Variants in PTPRO observed in about 807,000 individuals in gnomAD.
The protein encoded by PTPRO is receptor-type tyrosine-protein phosphatase O.
A neutral mutation model predicts 145.2 loss-of-function variants in PTPRO; 62 were observed. The observed-to-expected ratio is 0.43, with a 90% CI of 0.35 to 0.53. The LOEUF is 0.53. Among genes scored for constraint, PTPRO ranks in the 20% least tolerant of loss-of-function variants. The pLI, the probability that PTPRO is intolerant of heterozygous loss-of-function variation, is 0.01. For missense variants in PTPRO, 1,345 were observed against 1,482.7 expected, an observed-to-expected ratio of 0.91 and a Z score of 1.53; for synonymous variants, 565 against 514.7, an observed-to-expected ratio of 1.10 and a Z score of -1.32.
intron 12 of PTPRO, among the ~76,000 whole-genome samples, chr12:15,531,648 G>C (rs1243724961): frequency 6.6e-6 from 1 of 152,150 alleles, no homozygotes; most frequent in Non-Finnish European, 1.5e-5. Context: ...AGACAATGGA[G>C]GATGGATTGA....
intron 1 of PTPRO, among the ~76,000 whole-genome samples, chr12:15,350,683 C>T (rs1197565195): frequency 3.9e-5 from 6 of 152,300 alleles, no homozygotes; most frequent in African/African-American, 1.4e-4. Flanking sequence ...GGTTACTTTA[C>T]TAGAAAGGGA....
intron 1 of PTPRO, among the ~76,000 whole-genome samples, chr12:15,429,172 C>T (rs1469951125): frequency 6.6e-6 from 1 of 152,106 alleles, no homozygotes; most frequent in Non-Finnish European, 1.5e-5. Context: ...CAAAGACATC[C>T]GTGAGTGCTT....
intron 25 of PTPRO, among the ~76,000 whole-genome samples, chr12:15,590,462 C>T (rs1288797778): frequency 1.3e-5 from 2 of 152,144 alleles, no homozygotes; most frequent in Non-Finnish European, 2.9e-5. Context: ...CAACCTGGCC[C>T]GACCTGTAAT....
At chr12:15,584,411 TCAGAGCACAAAATAGGGTCTGTTC>T (rs1037016219) in intron 23 of PTPRO, among the ~76,000 whole-genome samples, 2 of 152,232 alleles carry the variant, frequency 1.3e-5, no homozygotes, top group African/African-American at 4.8e-5. Flanking sequence ...AGAAAAAATT[TCAGAGCACAAAATAGGGTCTGTTC>T]CATTGCCTAT....
chr12:15,503,657 C>T (rs995109964), intron 5 of PTPRO, among the ~76,000 whole-genome samples: 1 of 152,064 alleles, frequency 6.6e-6, no homozygotes, highest in African/African-American at 2.4e-5. Context: ...TAAAGATACA[C>T]AGTGTAGACC....
chr12:15,392,045 G>A (rs79544689), intron 1 of PTPRO, among the ~76,000 whole-genome samples: 3,247 of 152,160 alleles, frequency 0.021, 125 homozygotes, highest in African/African-American at 0.074. Context: ...CAATTATTCT[G>A]GTTCTAAATG....
chr12:15,579,455 C>T lies in PTPRO; in HGVS notation c.2920+512C>T, dbSNP rs146098690. Among the ~76,000 whole-genome samples, 318 of 152,312 alleles carry T rather than the reference C, an allele frequency of 2.1e-3. 4 individuals are homozygous for T. The highest frequency in any genetic ancestry group is 7.1e-3 in the African/African-American group (297 of 41,560). ...AGATTTCACTTTTCTCTCTGCTACACGCTGTGGAGCTAGGCATGAATGGAA... is the reference window on the plus strand; with the variant it reads ...AGATTTCACTTTTCTCTCTGCTACATGCTGTGGAGCTAGGCATGAATGGAA... On this transcript the variant is annotated intron_variant, in intron 20 of 26. Coordinates refer to ENST00000281171, the MANE Select transcript of PTPRO (RefSeq NM_030667.3).
At chr12:15,559,901 T>A (rs373122559) in intron 16 of PTPRO, among the ~76,000 whole-genome samples, 2 of 152,152 alleles carry the variant, frequency 1.3e-5, no homozygotes, top group African/African-American at 4.8e-5. Flanking sequence ...TTCATTTAAC[T>A]GAATGCAAAA....
chr12:15,407,896 A>G (rs185651803), intron 1 of PTPRO, among the ~76,000 whole-genome samples: 2 of 152,338 alleles, frequency 1.3e-5, no homozygotes, highest in East Asian at 3.9e-4. Context: ...GACTGCTCCT[A>G]CAAGATGAGG....
At chr12:15,494,752 A>G (rs1363847011) in intron 2 of PTPRO, among the ~76,000 whole-genome samples, 1 of 152,196 alleles carries the variant, frequency 6.6e-6, no homozygotes, top group African/African-American at 2.4e-5. Flanking sequence ...TCAAAGTTTG[A>G]CCGTGGCTTT....
chr12:15,468,393 C>T (rs1941465038), intron 1 of PTPRO, among the ~76,000 whole-genome samples: 1 of 152,202 alleles, frequency 6.6e-6, no homozygotes, highest in African/African-American at 2.4e-5. Context: ...CAAAGTTTCC[C>T]ATGATGCCAC....
intron 1 of PTPRO, among the ~76,000 whole-genome samples, chr12:15,398,690 C>CT (rs57371510): frequency 1.6e-3 from 231 of 148,032 alleles, no homozygotes; most frequent in Middle Eastern, 3.6e-3. Flanking sequence ...TACAGAAACT[C>CT]TTTTTTTTTT....
chr12:15,593,160 T>A (rs1944587822), intron 25 of PTPRO, among the ~76,000 whole-genome samples: 1 of 152,218 alleles, frequency 6.6e-6, no homozygotes, highest in Non-Finnish European at 1.5e-5. Flanking sequence ...GCTCAGCCAC[T>A]GATAGGATAC....
At chr12:15,532,183 T>A (rs1230040170) in intron 12 of PTPRO, among the ~76,000 whole-genome samples, 1 of 152,172 alleles carries the variant, frequency 6.6e-6, no homozygotes, top group Non-Finnish European at 1.5e-5. Flanking sequence ...TTTAAAATTG[T>A]ATAGGTAATT....
chr12:15,397,895 A>C (rs181453782), intron 1 of PTPRO, among the ~76,000 whole-genome samples: 1 of 152,278 alleles, frequency 6.6e-6, no homozygotes, highest in African/African-American at 2.4e-5. Context: ...GAAGTTGGGG[A>C]TATGCATTAT....
chr12:15,541,596 C>A (rs576593197), intron 12 of PTPRO, among the ~76,000 whole-genome samples: 1 of 152,176 alleles, frequency 6.6e-6, no homozygotes, highest in African/African-American at 2.4e-5. Flanking sequence ...TGTCCTCACA[C>A]GGTCTTTTCT....
intron 1 of PTPRO, among the ~76,000 whole-genome samples, chr12:15,419,009 A>T (rs1398853716): frequency 6.6e-6 from 1 of 151,684 alleles, no homozygotes; most frequent in Admixed American, 6.6e-5. Flanking sequence ...TCTACAATGT[A>T]AAATTTAGAG....
intron 12 of PTPRO, among the ~76,000 whole-genome samples, chr12:15,526,845 A>T (rs1942849670): frequency 6.6e-6 from 1 of 152,150 alleles, no homozygotes; most frequent in Non-Finnish European, 1.5e-5. Flanking sequence ...AAGAAATAAA[A>T]AGATCATTAG....
chr12:15,364,056 C>A (rs1229004306), intron 1 of PTPRO, among the ~76,000 whole-genome samples: 1 of 152,128 alleles, frequency 6.6e-6, no homozygotes, highest in Non-Finnish European at 1.5e-5. Context: ...AGATTACTTT[C>A]ATAATTCTGA....
Sources: gnomAD v4.1 joint callset for allele counts (sites outside exome capture counted in the v4.1 genomes callset) on GRCh38, gnomAD v4.1.1 for gene constraint, MANE v1.5 for transcripts, NCBI Gene and HGNC (gene_info 2026-07-23, HGNC 2026-07-21) for gene names.